Variants in ARHGAP26 observed in about 807,000 individuals in gnomAD.
ARHGAP26 encodes Rho GTPase activating protein 26.
ARHGAP26 carries 38 observed loss-of-function variants against 104.8 expected under a neutral mutation model. The ratio of observed to expected loss-of-function variants is 0.36; its 90% CI spans 0.28 to 0.48. ARHGAP26 has a LOEUF of 0.48. ARHGAP26 is among the 20% of genes least tolerant of loss of function. The probability of loss-of-function intolerance (pLI) is 0.99; values close to 1 mark genes in which losing one functional copy is unlikely to be tolerated. For synonymous variants in ARHGAP26, 341 were observed against 340.0 expected (o/e 1.00, Z -0.03); for missense variants, 704 against 947.9 (o/e 0.74, Z 3.38).
chr5:142,771,094 T>G, intron 1 of ARHGAP26, 179 bp downstream of exon 1: 1 of 1,342,084 alleles, frequency 7.5e-7, no homozygotes, highest in African/African-American at 1.5e-5. Flanking sequence ...AACCATCAGA[T>G]GAAGAGAGAG....
At chr5:143,001,403 C>T (rs1334472095) in intron 11 of ARHGAP26, among the ~76,000 whole-genome samples, 1 of 152,178 alleles carries the variant, frequency 6.6e-6, no homozygotes, top group African/African-American at 2.4e-5. Context: ...CTGATATCTG[C>T]AACTCCTCTT....
At chr5:142,893,247 A>C (rs1758958932) in intron 5 of ARHGAP26, among the ~76,000 whole-genome samples, 1 of 152,096 alleles carries the variant, frequency 6.6e-6, no homozygotes, top group Non-Finnish European at 1.5e-5. Flanking sequence ...AAGTGCTGGG[A>C]TTATAGGCAT....
chr5:143,009,914 G>A (rs762215047), intron 11 of ARHGAP26, among the ~76,000 whole-genome samples: 17 of 150,928 alleles, frequency 1.1e-4, no homozygotes, highest in African/African-American at 2.7e-4. Flanking sequence ...CCCCTTGTCC[G>A]CTTGGGTTGC....
chr5:143,222,497 G>A lies in ARHGAP26; in HGVS notation c.*51G>A. Reference sequence around the variant, plus strand: ...GCTTTACATGGTATCCATGACAACTGCTGATTCCAGTGTCGAGGCCATTTC... The same window carrying A: ...GCTTTACATGGTATCCATGACAACTACTGATTCCAGTGTCGAGGCCATTTC... On this transcript the variant is annotated 3_prime_UTR_variant, in exon 23 of 23. Coordinates refer to ENST00000645722, the MANE Select transcript of ARHGAP26 (RefSeq NM_001135608.3). 6.9e-7 allele frequency: 1 copy of A among 1,439,928 alleles called. No individual in the cohort carries two copies. The highest frequency in any genetic ancestry group is 9.5e-7 in the Non-Finnish European group (1 of 1,057,222). The allele number at this position is 1,439,928 out of a possible 1,614,324, so 89.2% of individuals were successfully genotyped here. A position where few individuals can be genotyped will look rare whatever the true frequency, so the allele number is the denominator to read the frequency against.
chr5:143,180,768 A>G (rs1050375663), intron 20 of ARHGAP26, among the ~76,000 whole-genome samples: 1 of 152,158 alleles, frequency 6.6e-6, no homozygotes, highest in Middle Eastern at 3.2e-3. Context: ...CTCCCTAGAC[A>G]TGTGGGAATT....
chr5:142,803,212 C>T (rs1304737005), intron 1 of ARHGAP26, among the ~76,000 whole-genome samples: 1 of 152,050 alleles, frequency 6.6e-6, no homozygotes, highest in East Asian at 1.9e-4. Context: ...ATGGGACACC[C>T]AGTAAAATTT....
chr5:143,099,690 G>T (rs1194801431), intron 17 of ARHGAP26, among the ~76,000 whole-genome samples: 1 of 152,096 alleles, frequency 6.6e-6, no homozygotes, highest in Non-Finnish European at 1.5e-5. Flanking sequence ...CTGCTGATAA[G>T]TCCAAAATTA....
chr5:142,877,281 C>T (rs1353745292), intron 3 of ARHGAP26, among the ~76,000 whole-genome samples: 1 of 152,182 alleles, frequency 6.6e-6, no homozygotes, highest in Admixed American at 6.5e-5. Context: ...AAAGCCGCAC[C>T]TTCTCTGGGA....
intron 20 of ARHGAP26, among the ~76,000 whole-genome samples, chr5:143,177,745 G>C (rs745974148): frequency 5.9e-5 from 9 of 152,174 alleles, no homozygotes; most frequent in Non-Finnish European, 1.0e-4. Flanking sequence ...TTGGCATACT[G>C]TACTATAGTT....
intron 11 of ARHGAP26, among the ~76,000 whole-genome samples, chr5:142,981,544 A>G (rs775211096): frequency 2.6e-5 from 4 of 152,320 alleles, no homozygotes; most frequent in Middle Eastern, 3.4e-3. Context: ...AGTCTGCTTT[A>G]TTAGCTAGGG....
intron 20 of ARHGAP26, among the ~76,000 whole-genome samples, chr5:143,148,666 C>A (rs998465371): frequency 6.6e-6 from 1 of 152,176 alleles, no homozygotes; most frequent in African/African-American, 2.4e-5. Context: ...GGCTTATGGG[C>A]AGTGAGTCTC....
At chr5:143,067,988 A>T (rs903626932) in intron 17 of ARHGAP26, among the ~76,000 whole-genome samples, 8 of 152,050 alleles carry the variant, frequency 5.3e-5, no homozygotes, top group African/African-American at 1.4e-4. Flanking sequence ...ACATGGTGAA[A>T]CCCCATCTCT....
chr5:142,799,997 A>G (rs540926856), intron 1 of ARHGAP26, among the ~76,000 whole-genome samples: 2 of 152,236 alleles, frequency 1.3e-5, no homozygotes, highest in Non-Finnish European at 2.9e-5. Context: ...AGTGGGACAC[A>G]CAGTGTTAAA....
At chr5:143,052,671 AGATACCAGCTG>A (rs1408546844) in intron 14 of ARHGAP26, among the ~76,000 whole-genome samples, 3 of 152,198 alleles carry the variant, frequency 2.0e-5, no homozygotes, top group African/African-American at 7.2e-5. Context: ...GGAGAGCAGT[AGATACCAGCTG>A]GATTTGTGCC....
Position 142,844,459 on chromosome 5 carries a change from A to G in ARHGAP26, c.155-28941A>G, listed in dbSNP as rs149287289. ...GTAGTGTCAAAGACTTTGAAATATG[A>G]TGAAAGTTCAGGACAATTTCCCAAG... On this transcript the variant is annotated intron_variant, in intron 1 of 22. Coordinates refer to ENST00000645722, the MANE Select transcript of ARHGAP26 (RefSeq NM_001135608.3). 3.0e-3 allele frequency among the ~76,000 whole-genome samples: 461 copies of G among 151,690 alleles called. 2 individuals carry two copies. The highest frequency in any genetic ancestry group is 0.011 in the African/African-American group (444 of 41,294).
At chr5:143,086,102 AAAG>A (rs1790551579) in intron 17 of ARHGAP26, among the ~76,000 whole-genome samples, 2 of 152,188 alleles carry the variant, frequency 1.3e-5, no homozygotes, top group Admixed American at 1.3e-4. Context: ...ATCACCTGTA[AAAG>A]AACAGGAGTT....
intron 17 of ARHGAP26, among the ~76,000 whole-genome samples, chr5:143,086,787 G>A (rs1185180340): frequency 6.6e-6 from 1 of 152,098 alleles, no homozygotes; most frequent in African/African-American, 2.4e-5. Flanking sequence ...CTCGCTCAGG[G>A]GTCTTATTAC....
At chr5:142,845,044 C>T (rs1771656542) in intron 1 of ARHGAP26, among the ~76,000 whole-genome samples, 1 of 152,138 alleles carries the variant, frequency 6.6e-6, no homozygotes, top group Non-Finnish European at 1.5e-5. Flanking sequence ...AGTGAGCAGA[C>T]TCCTGATTTC....
rs567017202 is a variant in ARHGAP26, at chr5:143,130,391, G to A, written c.1699-3576G>A. 2.6e-5 allele frequency among the ~76,000 whole-genome samples: 4 copies of A among 152,248 alleles called. No individual in the cohort carries two copies. In the East Asian group the frequency reaches 5.8e-4, roughly 22 times the overall value. ...AAGTCGGAATTACTTTGTGAGTTTG[G>A]ACAGTATTAACAGGGCACTTGGGGC... On this transcript the variant is annotated intron_variant, in intron 18 of 22. Transcript: ENST00000645722.
Sources: gnomAD v4.1 joint callset for allele counts (sites outside exome capture counted in the v4.1 genomes callset) on GRCh38, gnomAD v4.1.1 for gene constraint, MANE v1.5 for transcripts, NCBI Gene and HGNC (gene_info 2026-07-23, HGNC 2026-07-21) for gene names.